The following MTSS2 variants were observed in gnomAD, a reference collection of about 807,000 sequenced individuals.
MTSS2 encodes the protein MTSS I-BAR domain containing 2.
MTSS2 carries 27 observed loss-of-function variants against 67.1 expected under a neutral mutation model. That is an observed-to-expected ratio of 0.40 (90% CI 0.30 to 0.55). The LOEUF is 0.55. Ranked by LOEUF, MTSS2 falls within the 20% of genes least tolerant of loss-of-function variation. The pLI is 0.43. For synonymous variants in MTSS2, 624 were observed against 468.6 expected, an observed-to-expected ratio of 1.33 and a Z score of -4.28; for missense variants, 1,171 against 1,067.8, an observed-to-expected ratio of 1.10 and a Z score of -1.35.
In MTSS2 at chr16:70,685,795, C is replaced by G. The variant is rs780123531; in HGVS notation, c.-4G>C. On this transcript the variant is annotated 5_prime_UTR_variant, in exon 1 of 15. Coordinates refer to ENST00000338779, the MANE Select transcript of MTSS2 (RefSeq NM_138383.3). ...ACTCCTTCTCCGCCGTCTCCATGCT[C>G]TGGCTGGGCCGGGCCGCGGCGGCGG... 15 of 1,328,322 alleles carry G rather than the reference C, an allele frequency of 1.1e-5. No homozygotes were observed. In the African/African-American group the frequency reaches 2.0e-4, roughly 18 times the overall value. 82.3% of individuals were successfully genotyped at this position (1,328,322 alleles called of 1,614,324 possible). A position where few individuals can be genotyped will look rare whatever the true frequency, so the allele number is the denominator to read the frequency against.
At chr16:70,667,702 G>A (rs1364970123) in intron 11 of MTSS2, among the ~76,000 whole-genome samples, 2 of 151,402 alleles carry the variant, frequency 1.3e-5, no homozygotes, top group East Asian at 2.0e-4. Context: ...GTGAAACACT[G>A]TCTCTACTAA....
At chr16:70,665,372 C>G (rs1350248756) in intron 12 of MTSS2, 94 bp downstream of exon 12, 1 of 1,351,792 alleles carries the variant, frequency 7.4e-7, no homozygotes, top group Non-Finnish European at 1.0e-6. Context: ...CTGGCTGAAC[C>G]CAGGCCCTTT....
intron 8 of MTSS2, 30 bp downstream of exon 8, chr16:70,678,222 C>A: frequency 6.3e-7 from 1 of 1,587,780 alleles, no homozygotes; most frequent in African/African-American, 1.3e-5. Flanking sequence ...CAGCCCACCC[C>A]TCTGGGGTCT....
At chr16:70,667,752 A>G (rs1411701884) in intron 11 of MTSS2, among the ~76,000 whole-genome samples, 2 of 152,062 alleles carry the variant, frequency 1.3e-5, no homozygotes, top group South Asian at 4.1e-4. Flanking sequence ...ACATGTCTAT[A>G]ATTCCAGCTA....
chr16:70,674,690 G>C (rs2053058040), intron 10 of MTSS2, among the ~76,000 whole-genome samples, 162 bp from the exon 11 acceptor site: 1 of 152,204 alleles, frequency 6.6e-6, no homozygotes, highest in South Asian at 2.1e-4. Flanking sequence ...CTACACAGGA[G>C]CTGTGTTCTG....
At chr16:70,679,594 G>A (rs757099192) in intron 6 of MTSS2, 36 bp downstream of exon 6, 5 of 1,565,316 alleles carry the variant, frequency 3.2e-6, no homozygotes, top group South Asian at 1.2e-5. Context: ...GAGCGGGGCC[G>A]TGGGGCTGTG....
At chr16:70,672,408 G>C (rs939236335) in intron 11 of MTSS2, among the ~76,000 whole-genome samples, 12 of 150,898 alleles carry the variant, frequency 8.0e-5, no homozygotes, top group African/African-American at 2.9e-4. Flanking sequence ...CCTGAATTGG[G>C]TCATGGACCC....
chr16:70,678,437 C>T (rs1423805766), intron 7 of MTSS2, 28 bp from the exon 8 acceptor site: 1 of 1,589,898 alleles, frequency 6.3e-7, no homozygotes, highest in Non-Finnish European at 8.6e-7. Flanking sequence ...AGAGGCCTTG[C>T]TGGGGATGCC....
At chr16:70,665,293 G>A (rs1049504295) in intron 12 of MTSS2, 173 bp downstream of exon 12, 4 of 910,616 alleles carry the variant, frequency 4.4e-6, no homozygotes, top group Admixed American at 5.3e-5. Context: ...ATGTGGCTGT[G>A]TGGGCAGTGA....
Position 70,663,920 on chromosome 16 carries a change from C to A in MTSS2, c.2001G>T (p.Leu667=). ...GAGAEDEQQQ[L]AANRHSLVEK... ...CCACCAGGCTGTGCCGGTTGGCCGC[C>A]AGCTGCTGCTGCTCGTCCTCGGCCC... Residue 667 remains leucine (L), a synonymous_variant, in exon 15 of 15, where the codon CTG becomes CTT. Transcript: ENST00000338779. 1 of 1,551,796 alleles carries A rather than the reference C, an allele frequency of 6.4e-7. No individual in the cohort carries two copies. The highest frequency in any genetic ancestry group is 8.7e-7 in the Non-Finnish European group (1 of 1,150,614).
At chr16:70,680,756 C>T (rs1400234976) in intron 3 of MTSS2, 38 bp downstream of exon 3, 11 of 1,542,802 alleles carry the variant, frequency 7.1e-6, no homozygotes, top group African/African-American at 1.4e-5. Context: ...CAGGCCCACC[C>T]TGGGGCAACC....
rs2053251149 is a variant in MTSS2 at position 70,680,030 on chromosome 16, C to T, written c.231G>A (p.Ala77=). 5.9e-6 allele frequency: 9 copies of T among 1,530,232 alleles called. No homozygotes were observed. The highest frequency in any genetic ancestry group is 4.7e-5 in the South Asian group (4 of 84,408). The allele number at this position is 1,530,232 out of a possible 1,614,324, so 94.8% of individuals were successfully genotyped here. A position where few individuals can be genotyped will look rare whatever the true frequency, so the allele number is the denominator to read the frequency against. The change falls in exon 4 of 15, where the codon GCG becomes GCA. Residue 77 remains alanine, a synonymous_variant. Transcript: ENST00000338779. ...GGTGGCGCATGCACATGCGTGTGAGCGCCGAGCCGATGTCCCTCGTGGCCC... is the reference window on the plus strand; with the variant it reads ...GGTGGCGCATGCACATGCGTGTGAGTGCCGAGCCGATGTCCCTCGTGGCCC... ...TRGATRDIGS[A]LTRMCMRHRS...
intron 11 of MTSS2, among the ~76,000 whole-genome samples, chr16:70,673,150 T>TAAGA (rs1250158543): frequency 6.6e-6 from 1 of 151,704 alleles, no homozygotes; most frequent in Non-Finnish European, 1.5e-5. Context: ...GGTGACAGAG[T>TAAGA]AAGATCGTGT....
chr16:70,684,159 T>TGGTGGTG (rs1015464609), intron 1 of MTSS2, among the ~76,000 whole-genome samples: 3 of 151,966 alleles, frequency 2.0e-5, no homozygotes, highest in South Asian at 2.1e-4. Context: ...AGGCTGCCAG[T>TGGTGGTG]GGTGGTGGGT....
intron 11 of MTSS2, among the ~76,000 whole-genome samples, chr16:70,666,289 G>A (rs1218543046): frequency 6.6e-6 from 1 of 152,208 alleles, no homozygotes; most frequent in Non-Finnish European, 1.5e-5. Context: ...ACCATAGAAG[G>A]GGGTGGGGGA....
chr16:70,680,918 G>GGGCCC, intron 2 of MTSS2, 46 bp downstream of exon 2: 5 of 1,096,378 alleles, frequency 4.6e-6, no homozygotes, highest in Non-Finnish European at 6.7e-6. Context: ...CGGGGGGGGG[G>GGGCCC]CCTCTGCCTG....
chr16:70,665,165 T>C lies in MTSS2; in HGVS notation c.1129-69A>G, dbSNP rs764001548. 27 of 1,503,192 alleles carry C rather than the reference T, an allele frequency of 1.8e-5. No homozygotes were observed. The South Asian group carries it at 3.6e-4, about 20-fold the overall frequency. The allele number at this position is 1,503,192 out of a possible 1,614,324, so 93.1% of individuals were successfully genotyped here. On this transcript the variant is annotated intron_variant, in intron 12 of 14. Coordinates refer to ENST00000338779, the MANE Select transcript of MTSS2 (RefSeq NM_138383.3). ...CACCTATGGCCCGGGGGCCCGTCAC[T>C]GTGGCTGAGGCTCAGGGTGTCCAGG...
In MTSS2 at chr16:70,664,180, C is replaced by T. The variant is rs370854297; in HGVS notation, c.1741G>A (p.Ala581Thr). The change falls in exon 15 of 15, where the codon GCT becomes ACT. Residue 581 changes from alanine (A) to threonine (T), a missense_variant. Physicochemically the swap from Ala to Thr is moderately conservative, Grantham distance 58 (BLOSUM62 0). This residue lies in a region of MTSS2 where 924 missense variants were observed against 756.0 expected (regional missense o/e 1.22). Coordinates refer to ENST00000338779, the MANE Select transcript of MTSS2 (RefSeq NM_138383.3). ...KPTVRRALSS[A>T]GPIPIRPPIV... ...GGCGGCCGGATGGGGATGGGGCCAG[C>T]GCTGGACAGGGCGCGGCGCACGGTG... 44 of 1,603,428 alleles carry T rather than the reference C, an allele frequency of 2.7e-5. No individual in the cohort carries two copies. The highest frequency in any genetic ancestry group is 1.5e-4 in the African/African-American group (11 of 74,978).
At position 70,665,538 on chromosome 16, in the gene MTSS2, C is replaced by G. The variant is rs751908136; in HGVS notation, c.1056G>C (p.Lys352Asn). 54 of 1,547,794 alleles carry G rather than the reference C, an allele frequency of 3.5e-5. No homozygotes were observed. Among genetic ancestry groups the G allele is most frequent in the Non-Finnish European group, 4.7e-5 (54 of 1,146,996 alleles). ...SPMPSDITSQ[K>N]SSSSASSEAS... ...CCTCGGAAGATGCAGAGCTGGAGGA[C>G]TTCTGCCATGCAGAGGCCAGCAGGC... The change falls in exon 12 of 15, where the codon AAG becomes AAC. Residue 352 changes from lysine to asparagine, a missense_variant and splice_region_variant. Physicochemically the swap from Lys to Asn is moderately conservative, Grantham distance 94. Transcript: ENST00000338779.
Sources: gnomAD v4.1 joint callset for allele counts (sites outside exome capture counted in the v4.1 genomes callset) on GRCh38, gnomAD v4.1.1 for gene constraint, gnomAD v4.1.1 regional missense constraint, MANE v1.5 for transcripts, NCBI Gene and HGNC (gene_info 2026-07-23, HGNC 2026-07-21) for gene names.